The following TBXAS1 variants were observed in gnomAD, a reference collection of about 807,000 sequenced individuals.
TBXAS1 encodes the protein thromboxane A synthase 1, also known as thromboxane-A synthase.
TBXAS1 carries 48 observed loss-of-function variants against 60.7 expected under a neutral mutation model. The observed-to-expected ratio is 0.79, with a 90% CI of 0.63 to 1.01. The LOEUF (loss-of-function observed/expected upper bound fraction) is 1.01, where lower values mean the gene tolerates loss of function less well. TBXAS1 is among the 50% of genes least tolerant of loss of function. TBXAS1 has a pLI of 0.00. For missense variants in TBXAS1, 685 were observed against 686.3 expected (o/e 1.00, Z 0.02); for synonymous variants, 287 against 269.7 (o/e 1.06, Z -0.63).
chr7:140,014,954 AGAG>A (rs1374843909), intron 10 of TBXAS1, among the ~76,000 whole-genome samples: 8 of 151,814 alleles, frequency 5.3e-5, no homozygotes, highest in Non-Finnish European at 1.2e-4. Context: ...GAGAAGAAGA[AGAG>A]GAGGAGGAGG....
At chr7:140,002,627 C>T (rs1381538080) in intron 9 of TBXAS1, among the ~76,000 whole-genome samples, 1 of 152,148 alleles carries the variant, frequency 6.6e-6, no homozygotes, top group Non-Finnish European at 1.5e-5. Context: ...GTGTGTGCGT[C>T]CTTCTGCCTC....
chr7:139,816,212 G>T (rs1798144083), intron 4 of TBXAS1, among the ~76,000 whole-genome samples: 1 of 152,196 alleles, frequency 6.6e-6, no homozygotes, highest in African/African-American at 2.4e-5. Flanking sequence ...CAGCCATGCA[G>T]AACTGTGAAT....
At chr7:139,890,752 G>C (rs564233211) in intron 3 of TBXAS1, among the ~76,000 whole-genome samples, 14 of 152,220 alleles carry the variant, frequency 9.2e-5, no homozygotes, top group Non-Finnish European at 1.3e-4. Context: ...GATGTTTTGG[G>C]GGATGTTTTT....
intron 4 of TBXAS1, among the ~76,000 whole-genome samples, chr7:139,810,877 C>A (rs1798006922): frequency 6.6e-6 from 1 of 152,196 alleles, no homozygotes; most frequent in African/African-American, 2.4e-5. Flanking sequence ...TATTTAAAAG[C>A]AAATCATAAC....
At chr7:139,883,860 A>T (rs1802879117) in intron 3 of TBXAS1, among the ~76,000 whole-genome samples, 1 of 152,230 alleles carries the variant, frequency 6.6e-6, no homozygotes, top group African/African-American at 2.4e-5. Context: ...AACCACTTTG[A>T]TCTATTCTAT....
chr7:139,850,456 T>C (rs1800140108), intron 1 of TBXAS1, among the ~76,000 whole-genome samples: 1 of 152,234 alleles, frequency 6.6e-6, no homozygotes, highest in Non-Finnish European at 1.5e-5. Context: ...TCTGTGACCC[T>C]AGGGTGGTGT....
intron 1 of TBXAS1, among the ~76,000 whole-genome samples, chr7:139,841,290 C>G (rs1475128169): frequency 6.6e-6 from 1 of 152,132 alleles, no homozygotes; most frequent in Non-Finnish European, 1.5e-5. Context: ...GAAGAATTGA[C>G]TTGGCAGAGG....
chr7:139,938,799 G>T (rs548482443), intron 5 of TBXAS1, among the ~76,000 whole-genome samples: 6 of 152,152 alleles, frequency 3.9e-5, no homozygotes, highest in Non-Finnish European at 8.8e-5. Flanking sequence ...GAGTATCTGA[G>T]AAAAGAAGAA....
intron 1 of TBXAS1, among the ~76,000 whole-genome samples, chr7:139,868,443 G>A (rs1182344858): frequency 6.6e-6 from 1 of 151,210 alleles, no homozygotes; most frequent in Non-Finnish European, 1.5e-5. Context: ...CTACAAACTT[G>A]AGTGGCTGGA....
chr7:139,955,615 C>A lies in TBXAS1; in HGVS notation c.688+8C>A, dbSNP rs1448754205. ...CTATCCTGGTTTTACTCTGTAAGTG[C>A]GGCTGCAGCCCGGGGCGCTGCGATG... On this transcript the variant is annotated splice_region_variant and intron_variant, in intron 7 of 12. Transcript: ENST00000448866. 1 of 1,613,784 alleles carries A rather than the reference C, an allele frequency of 6.2e-7. No homozygotes were observed. The highest frequency in any genetic ancestry group is 1.3e-5 in the African/African-American group (1 of 74,920).
At chr7:139,828,040 C>G (rs1798494953), upstream of TBXAS1, among the ~76,000 whole-genome samples, 1 of 152,060 alleles carries the variant, frequency 6.6e-6, no homozygotes. Context: ...TAGATGGCTG[C>G]AGAAGTTTTC....
At chr7:139,868,835 T>C (rs1297598830) in intron 1 of TBXAS1, among the ~76,000 whole-genome samples, 1 of 151,662 alleles carries the variant, frequency 6.6e-6, no homozygotes, top group African/African-American at 2.4e-5. Flanking sequence ...TTTTTTTTAG[T>C]AGAGATGAGG....
chr7:139,945,006 A>G (rs1217010766), intron 5 of TBXAS1, among the ~76,000 whole-genome samples: 3 of 152,216 alleles, frequency 2.0e-5, no homozygotes, highest in African/African-American at 7.2e-5. Flanking sequence ...TTTTGTGGGA[A>G]AGCAACAAGC....
intron 9 of TBXAS1, among the ~76,000 whole-genome samples, chr7:139,964,659 A>G (rs1332965251): frequency 1.3e-5 from 2 of 152,240 alleles, no homozygotes; most frequent in African/African-American, 2.4e-5. Flanking sequence ...AGCAGAGGCT[A>G]GGAGAGGGGG....
intron 3 of TBXAS1, among the ~76,000 whole-genome samples, chr7:139,879,353 T>G (rs1802504369): frequency 1.3e-5 from 2 of 152,198 alleles, no homozygotes; most frequent in African/African-American, 4.8e-5. Flanking sequence ...CGTGGATACC[T>G]ATACAGCTAT....
intron 12 of TBXAS1, among the ~76,000 whole-genome samples, chr7:140,019,384 G>A (rs2072190): frequency 0.53 from 80,336 of 151,978 alleles, 24,010 homozygotes; most frequent in African/African-American, 0.82. Flanking sequence ...AACATACAGT[G>A]CAGCAGCCAG....
chr7:139,941,431 TTG>T (rs1375528485), intron 5 of TBXAS1, among the ~76,000 whole-genome samples: 2 of 73,958 alleles, frequency 2.7e-5, no homozygotes, highest in African/African-American at 8.6e-5. Flanking sequence ...TAAATTAAAA[TTG>T]TTTTTTTTTT....
At chr7:139,886,257 C>T (rs1043826233) in intron 3 of TBXAS1, among the ~76,000 whole-genome samples, 38 of 152,198 alleles carry the variant, frequency 2.5e-4, no homozygotes, top group African/African-American at 8.7e-4. Context: ...ATTTTGCAAC[C>T]CACTCTATGA....
chr7:139,923,445 T>G (rs937516713), intron 4 of TBXAS1, among the ~76,000 whole-genome samples: 2 of 152,090 alleles, frequency 1.3e-5, no homozygotes, highest in African/African-American at 4.8e-5. Context: ...TGTCAATTTT[T>G]AAAATGTTTA....
Sources: allele counts gnomAD v4.1 joint callset (sites outside exome capture counted in the v4.1 genomes callset), GRCh38; gene constraint gnomAD v4.1.1; transcripts MANE v1.5; gene names NCBI Gene and HGNC (gene_info 2026-07-23, HGNC 2026-07-21).